Variants in ANKRD36 observed in about 807,000 individuals in gnomAD.
ANKRD36 encodes the protein ankyrin repeat domain 36, also known as ankyrin repeat domain-containing protein 36A.
A neutral mutation model predicts 278.1 loss-of-function variants in ANKRD36; 179 were observed. The ratio of observed to expected loss-of-function variants is 0.64; its 90% CI spans 0.57 to 0.73. The LOEUF is 0.73. Ranked by LOEUF, ANKRD36 falls within the 30% of genes least tolerant of loss-of-function variation. The pLI is 0.00. For missense variants in ANKRD36, 1,159 were observed against 1,956.7 expected (o/e 0.59, Z 7.69); for synonymous variants, 320 against 641.1 (o/e 0.50, Z 7.57).
At chr2:97,224,442 T>TG (rs1190614097) in intron 66 of ANKRD36, among the ~76,000 whole-genome samples, 1 of 144,590 alleles carries the variant, frequency 6.9e-6, no homozygotes, top group Non-Finnish European at 1.5e-5. Flanking sequence ...TTTTGTTTTT[T>TG]TGTTTTTTTG....
intron 4 of ANKRD36, among the ~76,000 whole-genome samples, chr2:97,123,211 T>C (rs2037406573): frequency 6.6e-6 from 1 of 151,590 alleles, no homozygotes; most frequent in Non-Finnish European, 1.5e-5. Flanking sequence ...TCTCTCTCTA[T>C]AGACATTATA....
chr2:97,159,405 A>G (rs964431796), intron 17 of ANKRD36, among the ~76,000 whole-genome samples: 2 of 152,090 alleles, frequency 1.3e-5, no homozygotes, highest in African/African-American at 4.8e-5. Flanking sequence ...TCACACGTAC[A>G]CTGAAAATAT....
chr2:97,201,291 G>A (rs577219147), intron 46 of ANKRD36, among the ~76,000 whole-genome samples: 1 of 151,986 alleles, frequency 6.6e-6, no homozygotes, highest in Admixed American at 6.6e-5. Flanking sequence ...GCTACCTCTT[G>A]GATAAAATAG....
At position 97,200,374 on chromosome 2, in the gene ANKRD36, C is replaced by T; in HGVS notation, c.2784+12C>T. 1 of 1,605,476 alleles carries T rather than the reference C, an allele frequency of 6.2e-7. No individual in the cohort carries two copies. Among genetic ancestry groups the T allele is most frequent in the South Asian group, 1.1e-5 (1 of 90,740 alleles). On this transcript the variant is annotated intron_variant, in intron 45 of 75. Transcript: ENST00000420699. ...AACCATCCTTGGAGGTAATGAAACT[C>T]TCATTCATATTGTGAGCTAGTAAAC...
Position 97,179,879 on chromosome 2 carries a change from G to T in ANKRD36, c.1681G>T (p.Asp561Tyr), listed in dbSNP as rs199729164. The T allele has an allele frequency of 6.2e-7, 1 of 1,605,342 alleles. No homozygotes were observed. Among genetic ancestry groups the T allele is most frequent in the East Asian group, 2.2e-5 (1 of 44,806 alleles). ...CATTCAGGCTACAAGTGACGACAAA[G>T]ATTCTGTTTCAAATATAGCCACAGA... Reference protein sequence around the residue: ...PAEKATSDDKDSVSNIATEIK... With the variant: ...PAEKATSDDKYSVSNIATEIK... Residue 561 changes from aspartate to tyrosine, a missense_variant, in exon 24 of 76, where the codon GAT becomes TAT. Asp to Tyr is a radical substitution (Grantham distance 160). Coordinates refer to ENST00000420699, the MANE Select transcript of ANKRD36 (RefSeq NM_001354587.1).
At chr2:97,217,704 G>A (rs2153641480) in intron 64 of ANKRD36, among the ~76,000 whole-genome samples, 1 of 152,082 alleles carries the variant, frequency 6.6e-6, no homozygotes, top group Admixed American at 6.6e-5. Context: ...AGGAGAAAGA[G>A]AAAAAAGTAA....
chr2:97,168,318 G>GTCATTAATCATTTT, intron 22 of ANKRD36, among the ~76,000 whole-genome samples: 1 of 152,240 alleles, frequency 6.6e-6, no homozygotes, highest in Admixed American at 6.5e-5. Flanking sequence ...AATGAATAAA[G>GTCATTAATCATTTT]TCATTAATCA....
intron 66 of ANKRD36, among the ~76,000 whole-genome samples, chr2:97,221,856 G>A (rs1419376166): frequency 6.8e-6 from 1 of 147,518 alleles, no homozygotes; most frequent in Non-Finnish European, 1.5e-5. Flanking sequence ...CCTTGCCCAC[G>A]CCTATGTCCT....
intron 52 of ANKRD36, 40 bp downstream of exon 52, chr2:97,206,175 A>G (rs918162550): frequency 6.0e-6 from 9 of 1,493,518 alleles, no homozygotes; most frequent in Non-Finnish European, 4.5e-6. Flanking sequence ...TTCAGTCGAG[A>G]TAGATAAGAA....
At chr2:97,122,027 C>T (rs1328057298) in intron 3 of ANKRD36, among the ~76,000 whole-genome samples, 5 of 137,724 alleles carry the variant, frequency 3.6e-5, no homozygotes, top group Non-Finnish European at 8.1e-5. Context: ...ATTCAGAGCC[C>T]GGCTCTCCGA....
intron 6 of ANKRD36, among the ~76,000 whole-genome samples, chr2:97,129,289 A>G (rs1156422317): frequency 6.6e-6 from 1 of 152,192 alleles, no homozygotes; most frequent in African/African-American, 2.4e-5. Flanking sequence ...GTGTCTGTTC[A>G]TATCCTTCGC....
chr2:97,141,943 T>C (rs2043006978), intron 6 of ANKRD36, among the ~76,000 whole-genome samples: 1 of 152,260 alleles, frequency 6.6e-6, no homozygotes, highest in African/African-American at 2.4e-5. Context: ...CAAATGATGA[T>C]ACTTTTTATT....
At position 97,204,047 on chromosome 2, in the gene ANKRD36, G is replaced by T. The variant is rs548947331; in HGVS notation, c.2960-21G>T. On this transcript the variant is annotated intron_variant, in intron 48 of 75. Coordinates refer to ENST00000420699, the MANE Select transcript of ANKRD36 (RefSeq NM_001354587.1). ...TGTCATTTTTACATATGAGTGATTA[G>T]GAATCCCTTTTACTTTTCAGTGTCT... 726 of 1,563,026 alleles carry T rather than the reference G, an allele frequency of 4.6e-4. 4 individuals are homozygous for T. The East Asian group carries it at 8.4e-3, about 18-fold the overall frequency.
intron 10 of ANKRD36, 75 bp from the exon 11 acceptor site, chr2:97,146,411 G>C: frequency 8.1e-7 from 1 of 1,236,514 alleles, no homozygotes; most frequent in Non-Finnish European, 1.1e-6. Context: ...ACAAGTCACT[G>C]TGCTCTTTTA....
chr2:97,186,738 T>A (rs969319541), intron 30 of ANKRD36, among the ~76,000 whole-genome samples: 87 of 152,032 alleles, frequency 5.7e-4, no homozygotes, highest in African/African-American at 2.0e-3. Flanking sequence ...GTCACTGTAA[T>A]TGTGTACCTT....
chr2:97,184,232 A>G (rs1420196288), intron 28 of ANKRD36, among the ~76,000 whole-genome samples: 1 of 151,770 alleles, frequency 6.6e-6, no homozygotes, highest in Non-Finnish European at 1.5e-5. Flanking sequence ...GCATACCAGA[A>G]GATTTGATTT....
intron 6 of ANKRD36, among the ~76,000 whole-genome samples, chr2:97,129,773 A>G (rs1037169509): frequency 3.3e-5 from 5 of 152,076 alleles, no homozygotes; most frequent in East Asian, 1.9e-4. Flanking sequence ...TCAAAGATCA[A>G]TAGTTGTAGA....
chr2:97,152,671 A>C, intron 14 of ANKRD36, 137 bp downstream of exon 14: 1 of 800,250 alleles, frequency 1.2e-6, no homozygotes, highest in Admixed American at 3.8e-5. Context: ...ACACAACTTT[A>C]GAAACTATTT....
chr2:97,158,485 C>G, intron 16 of ANKRD36, 103 bp from the exon 17 acceptor site: 1 of 1,301,506 alleles, frequency 7.7e-7, no homozygotes, highest in Admixed American at 2.1e-5. Flanking sequence ...CATTGGCCCC[C>G]CAAACTGCTG....
Sources: gnomAD v4.1 joint callset for allele counts (sites outside exome capture counted in the v4.1 genomes callset) on GRCh38, gnomAD v4.1.1 for gene constraint, MANE v1.5 for transcripts, NCBI Gene and HGNC (gene_info 2026-07-23, HGNC 2026-07-21) for gene names.